The following PON1 variants were observed in gnomAD, a reference collection of about 807,000 sequenced individuals.
The protein encoded by PON1 is serum paraoxonase/arylesterase 1.
A neutral mutation model predicts 39.2 loss-of-function variants in PON1; 37 were observed. The observed-to-expected ratio is 0.94, with a 90% CI of 0.73 to 1.24. The LOEUF is 1.24. PON1 is among the 50% of genes most tolerant of loss of function. The probability of loss-of-function intolerance (pLI) is 0.00; values close to 1 mark genes in which losing one functional copy is unlikely to be tolerated. For synonymous variants in PON1, 148 were observed against 152.2 expected (o/e 0.97, Z 0.21); for missense variants, 397 against 413.5 (o/e 0.96, Z 0.35).
Position 95,299,083 on chromosome 7 carries a change from ATGTT to A in PON1, c.925_928del (p.Asn309PhefsTer2). The A allele has an allele frequency of 6.2e-7, 1 of 1,614,160 alleles. No homozygotes were observed. Among genetic ancestry groups the A allele is most frequent in the Non-Finnish European group, 8.5e-7 (1 of 1,179,986 alleles). On this transcript the variant is annotated frameshift_variant, in exon 9 of 9. Transcript: ENST00000222381. LOFTEE classifies it high-confidence loss of function. ...TGTCACTTTAGGTTCTTCTGTTAGA[ATGTT>A]CTGGATTCGAAGCACCTGTGGAAGA...
intron 4 of PON1, among the ~76,000 whole-genome samples, chr7:95,312,803 A>T (rs10215712): frequency 8.3e-5 from 12 of 143,896 alleles, no homozygotes; most frequent in African/African-American, 2.8e-5. Flanking sequence ...TTCACTTAAT[A>T]GTGAGGTTGT....
Position 95,298,381 on chromosome 7 carries a change from A to G in PON1, c.*563T>C, listed in dbSNP as rs1435229499. 1.2e-5 allele frequency: 2 copies of G among 163,694 alleles called. No homozygotes were observed. Among genetic ancestry groups the G allele is most frequent in the Admixed American group, 5.6e-5 (1 of 17,836 alleles). The allele number at this position is 163,694 out of a possible 1,614,324, so 10.1% of individuals were successfully genotyped here. On this transcript the variant is annotated 3_prime_UTR_variant, in exon 9 of 9. Coordinates refer to ENST00000222381, the MANE Select transcript of PON1 (RefSeq NM_000446.7). ...GTTGGAATAATTCAGGTTAATATTTACTGAGAAAAAGTCATATATCGAAGG... is the reference window on the plus strand; with the variant it reads ...GTTGGAATAATTCAGGTTAATATTTGCTGAGAAAAAGTCATATATCGAAGG...
At chr7:95,305,763 G>A (rs1176649527) in intron 7 of PON1, among the ~76,000 whole-genome samples, 1 of 152,078 alleles carries the variant, frequency 6.6e-6, no homozygotes. Flanking sequence ...GGCAGGAGAC[G>A]TGGGGCAGGG....
chr7:95,303,257 T>A (rs924885863), intron 7 of PON1, among the ~76,000 whole-genome samples: 2 of 152,154 alleles, frequency 1.3e-5, no homozygotes, highest in African/African-American at 4.8e-5. Flanking sequence ...AAGGAGGGAT[T>A]AGAGGGCTCA....
At chr7:95,314,243 C>T (rs1254044301) in intron 4 of PON1, among the ~76,000 whole-genome samples, 1 of 152,024 alleles carries the variant, frequency 6.6e-6, no homozygotes, top group African/African-American at 2.4e-5. Flanking sequence ...ACCTGTGGTC[C>T]CCGCTACTCA....
chr7:95,324,529 C>A lies in PON1; in HGVS notation c.-54G>T. 2 of 1,542,962 alleles carry A rather than the reference C, an allele frequency of 1.3e-6. No homozygotes were observed. Among genetic ancestry groups the A allele is most frequent in the Non-Finnish European group, 1.8e-6 (2 of 1,120,828 alleles). ...GCGCAGACACCGACGGGCTAGGAGG[C>A]TCTGCCTGCCTGCAGCCGCAGCCCT... On this transcript the variant is annotated 5_prime_UTR_variant, in exon 1 of 9. Transcript: ENST00000222381.
chr7:95,322,734 G>A (rs144349139), intron 1 of PON1, among the ~76,000 whole-genome samples: 38 of 152,256 alleles, frequency 2.5e-4, no homozygotes, highest in African/African-American at 8.7e-4. Flanking sequence ...GGCATTCCCT[G>A]GACTTGTGCG....
chr7:95,302,312 C>A lies in PON1; in HGVS notation c.802G>T (p.Val268Leu), dbSNP rs371803280. Residue 268 changes from valine (V) to leucine (L), a missense_variant, in exon 8 of 9, where the codon GTG (valine) becomes TTG (leucine). Transcript: ENST00000222381. Reference protein sequence around the residue: ...PLKSLDFNTLVDNISVDPETG... With the variant: ...PLKSLDFNTLLDNISVDPETG... ...TCAGGATCCACAGATATGTTATCCA[C>A]GAGGGTATTAAAGTCAAGGGACTTA... is the stretch of plus-strand genomic sequence containing the variant. 6.2e-7 allele frequency: 1 copy of A among 1,607,364 alleles called. No individual in the cohort carries two copies. Among genetic ancestry groups the A allele is most frequent in the Non-Finnish European group, 8.5e-7 (1 of 1,174,338 alleles).
chr7:95,313,534 A>G (rs898063134), intron 4 of PON1, among the ~76,000 whole-genome samples: 3 of 152,170 alleles, frequency 2.0e-5, no homozygotes, highest in African/African-American at 7.2e-5. Flanking sequence ...ATTTCTTTGT[A>G]CTTAAAAATA....
chr7:95,313,474 T>G (rs1038540499), intron 4 of PON1, among the ~76,000 whole-genome samples: 1 of 152,224 alleles, frequency 6.6e-6, no homozygotes, highest in Admixed American at 6.5e-5. Context: ...AGGGGTTGTG[T>G]AATATTACCT....
intron 1 of PON1, among the ~76,000 whole-genome samples, chr7:95,323,162 G>A (rs190608024): frequency 2.6e-5 from 4 of 152,218 alleles, no homozygotes; most frequent in Non-Finnish European, 4.4e-5. Flanking sequence ...CAGGCATCTG[G>A]TCCCCAGACC....
rs1458957435 is a variant in PON1 at position 95,302,112 on chromosome 7, AAAAAAAAAAC to A, written c.909+83_909+92del. ...ACTCTGTCACAAAAAAAAAAAAAAA[AAAAAAAAAAC>A]CAAGAATTGAGAATTATGTTGTCAA... On this transcript the variant is annotated intron_variant, in intron 8 of 8. Coordinates refer to ENST00000222381, the MANE Select transcript of PON1 (RefSeq NM_000446.7). 6,478 of 832,700 alleles carry A rather than the reference AAAAAAAAAAC, an allele frequency of 7.8e-3. 11 individuals carry two copies. Among genetic ancestry groups the A allele is most frequent in the East Asian group, 0.025 (476 of 19,042 alleles). The allele number at this position is 832,700 out of a possible 1,614,324, so 51.6% of individuals were successfully genotyped here.
chr7:95,308,258 A>C (rs1169361750), intron 5 of PON1, 47 bp from the exon 6 acceptor site: 1 of 1,546,168 alleles, frequency 6.5e-7, no homozygotes, highest in Admixed American at 1.7e-5. Flanking sequence ...AAGGTATTGA[A>C]CATTACAGGA....
At chr7:95,310,231 A>C (rs924584400) in intron 5 of PON1, among the ~76,000 whole-genome samples, 1 of 152,192 alleles carries the variant, frequency 6.6e-6, no homozygotes, top group African/African-American at 2.4e-5. Flanking sequence ...ATAACACCTA[A>C]TTCAGAAGGT....
intron 7 of PON1, among the ~76,000 whole-genome samples, chr7:95,303,738 A>G (rs890226887): frequency 2.0e-5 from 3 of 152,198 alleles, no homozygotes; most frequent in African/African-American, 7.2e-5. Flanking sequence ...ATTCCTCTCC[A>G]TGCTAACTCA....
chr7:95,318,036 A>G (rs563617031), intron 2 of PON1, among the ~76,000 whole-genome samples: 1 of 151,836 alleles, frequency 6.6e-6, no homozygotes, highest in African/African-American at 2.4e-5. Context: ...TCCTCAGGTT[A>G]GATTGCCATG....
chr7:95,314,072 A>C (rs1807712701), intron 4 of PON1, among the ~76,000 whole-genome samples: 1 of 152,124 alleles, frequency 6.6e-6, no homozygotes, highest in Non-Finnish European at 1.5e-5. Flanking sequence ...AAAGCAGGTG[A>C]AGTAGGCTGG....
In PON1 at chr7:95,318,379, G is replaced by T. The variant is rs780715270; in HGVS notation, c.89C>A (p.Ala30Asp). ...HQSSYQTRLN[A>D]LREVQPVELP... ...TTCTACGGGTTGTACCTCTCGGAGA[G>T]CATTAAGTCGTGTTCTGTGGGGGAG... The change falls in exon 2 of 9, where the codon GCT becomes GAT. Residue 30 changes from alanine to aspartate, a missense_variant. By Grantham distance (126) the Ala-to-Asp change is moderately radical. Coordinates refer to ENST00000222381, the MANE Select transcript of PON1 (RefSeq NM_000446.7). The T allele has an allele frequency of 1.9e-6, 3 of 1,608,164 alleles. No homozygotes were observed. Among genetic ancestry groups the T allele is most frequent in the Non-Finnish European group, 2.6e-6 (3 of 1,174,674 alleles).
At chr7:95,300,552 G>T (rs113359053) in intron 8 of PON1, among the ~76,000 whole-genome samples, 88 of 152,248 alleles carry the variant, frequency 5.8e-4, no homozygotes, top group African/African-American at 2.0e-3. Context: ...TAGTTACAGG[G>T]AAATAGTTGA....
Sources: allele counts gnomAD v4.1 joint callset (sites outside exome capture counted in the v4.1 genomes callset), GRCh38; gene constraint gnomAD v4.1.1; transcripts MANE v1.5; gene names NCBI Gene and HGNC (gene_info 2026-07-23, HGNC 2026-07-21).